The following ACOXL variants were observed in gnomAD, a reference collection of about 807,000 sequenced individuals.
ACOXL encodes acyl-coenzyme A oxidase-like protein.
ACOXL carries 70 observed loss-of-function variants against 71.9 expected under a neutral mutation model. The observed-to-expected ratio is 0.97, with a 90% CI of 0.80 to 1.19. The LOEUF is 1.19. ACOXL is among the 50% of genes most tolerant of loss of function. The pLI, the probability that ACOXL is intolerant of heterozygous loss-of-function variation, is 0.00. For missense variants in ACOXL, 703 were observed against 736.3 expected, an observed-to-expected ratio of 0.95 and a Z score of 0.52; for synonymous variants, 253 against 281.6, an observed-to-expected ratio of 0.90 and a Z score of 1.02.
intron 9 of ACOXL, among the ~76,000 whole-genome samples, chr2:110,821,124 G>A (rs576882312): frequency 1.4e-4 from 21 of 152,176 alleles, no homozygotes; most frequent in Non-Finnish European, 2.9e-4. Flanking sequence ...CTAAAGCTGG[G>A]CTCTCAAAGC....
At chr2:110,996,459 T>C (rs1459795391) in intron 14 of ACOXL, among the ~76,000 whole-genome samples, 1 of 152,212 alleles carries the variant, frequency 6.6e-6, no homozygotes, top group Non-Finnish European at 1.5e-5. Flanking sequence ...TGTGTCAGCA[T>C]TGATAGAAAT....
chr2:111,057,216 C>A (rs948546130), intron 16 of ACOXL, among the ~76,000 whole-genome samples: 1 of 152,200 alleles, frequency 6.6e-6, no homozygotes, highest in East Asian at 1.9e-4. Flanking sequence ...CTGGTGGTGT[C>A]GATGTGACAC....
chr2:110,754,479 A>G (rs112893471), intron 1 of ACOXL, among the ~76,000 whole-genome samples: 8 of 152,226 alleles, frequency 5.3e-5, no homozygotes, highest in African/African-American at 1.9e-4. Context: ...CTTCAGAATC[A>G]GAATCCCCAT....
Position 110,860,897 on chromosome 2 carries a change from A to G in ACOXL, c.788+19492A>G, listed in dbSNP as rs187901459. Reference sequence around the variant, plus strand: ...GTTATCCACTGGTTCCCCTGTTCTCACAGATCGGAGTCCTGCTGGAAGCGA... The same window carrying G: ...GTTATCCACTGGTTCCCCTGTTCTCGCAGATCGGAGTCCTGCTGGAAGCGA... On this transcript the variant is annotated intron_variant, in intron 10 of 17. Coordinates refer to ENST00000439055, the MANE Select transcript of ACOXL (RefSeq NM_001142807.4). Among the ~76,000 whole-genome samples the G allele has an allele frequency of 1.3e-4, 20 of 152,284 alleles. No individual in the cohort carries two copies. The East Asian group carries it at 3.7e-3, about 28-fold the overall frequency.
At chr2:110,828,851 G>A (rs139485545) in intron 9 of ACOXL, among the ~76,000 whole-genome samples, 15 of 151,076 alleles carry the variant, frequency 9.9e-5, no homozygotes, top group African/African-American at 3.4e-4. Context: ...TGTTCTTGTT[G>A]CCCAGGCTAG....
chr2:110,828,619 T>C (rs1471129517), intron 9 of ACOXL, among the ~76,000 whole-genome samples: 1 of 152,188 alleles, frequency 6.6e-6, no homozygotes, highest in Non-Finnish European at 1.5e-5. Context: ...TTTGCGTACG[T>C]CATCTCATCA....
At chr2:110,944,332 G>A (rs1179032280) in intron 12 of ACOXL, among the ~76,000 whole-genome samples, 4 of 151,494 alleles carry the variant, frequency 2.6e-5, no homozygotes, top group Admixed American at 6.6e-5. Flanking sequence ...GGGAGCCACC[G>A]TGCCAGGCCT....
chr2:111,100,180 C>T (rs2069049482), intron 17 of ACOXL: 1 of 152,606 alleles, frequency 6.6e-6, no homozygotes, highest in Non-Finnish European at 1.5e-5. Context: ...GTTGAGAGAA[C>T]CACAGCCCAG....
chr2:110,768,298 G>C, intron 1 of ACOXL, 70 bp from the exon 2 acceptor site: 1 of 1,300,386 alleles, frequency 7.7e-7, no homozygotes, highest in Middle Eastern at 1.8e-4. Flanking sequence ...TGAGCCCGGG[G>C]TCAAAGCATC....
At chr2:110,987,242 A>T (rs1377539744) in intron 13 of ACOXL, 25 bp downstream of exon 13, 2 of 1,549,166 alleles carry the variant, frequency 1.3e-6, no homozygotes, top group East Asian at 4.8e-5. Flanking sequence ...GGCCATCATC[A>T]TCTGCCTTCA....
intron 11 of ACOXL, among the ~76,000 whole-genome samples, chr2:110,911,338 C>T (rs1448054525): frequency 1.3e-5 from 2 of 152,078 alleles, no homozygotes; most frequent in South Asian, 2.1e-4. Flanking sequence ...TCTTCCAAAA[C>T]ATAGAAGAGG....
intron 16 of ACOXL, among the ~76,000 whole-genome samples, chr2:111,053,406 T>C (rs752009706): frequency 3.3e-5 from 5 of 152,132 alleles, no homozygotes; most frequent in Non-Finnish European, 5.9e-5. Context: ...AGGGGCACCA[T>C]TAAAAATAGA....
intron 15 of ACOXL, among the ~76,000 whole-genome samples, chr2:111,032,753 G>C (rs1212423643): frequency 1.3e-5 from 2 of 152,162 alleles, no homozygotes; most frequent in African/African-American, 4.8e-5. Flanking sequence ...ACCTAGGAGT[G>C]TGCCTGCGTC....
intron 9 of ACOXL, among the ~76,000 whole-genome samples, chr2:110,830,674 C>G (rs1307482818): frequency 1.3e-5 from 2 of 152,084 alleles, no homozygotes; most frequent in Admixed American, 6.5e-5. Context: ...GCTGGGACTA[C>G]AGGCGCCCGC....
intron 12 of ACOXL, among the ~76,000 whole-genome samples, chr2:110,986,747 A>G (rs565994882): frequency 6.6e-6 from 1 of 152,228 alleles, no homozygotes; most frequent in Non-Finnish European, 1.5e-5. Context: ...TGACCAGAGA[A>G]TGTCAGGGGT....
At chr2:110,783,228 G>A (rs1044025412) in intron 2 of ACOXL, among the ~76,000 whole-genome samples, 4 of 152,130 alleles carry the variant, frequency 2.6e-5, no homozygotes, top group African/African-American at 7.2e-5. Context: ...GTTGTTGTGA[G>A]GATCTGTGCA....
chr2:111,024,008 A>G (rs1402242078), intron 14 of ACOXL, among the ~76,000 whole-genome samples: 1 of 152,154 alleles, frequency 6.6e-6, no homozygotes, highest in African/African-American at 2.4e-5. Flanking sequence ...CAGGTCAAGG[A>G]GGGACTGTGA....
chr2:111,076,544 CTT>C (rs1355432017), intron 16 of ACOXL, among the ~76,000 whole-genome samples: 2 of 151,828 alleles, frequency 1.3e-5, no homozygotes, highest in Non-Finnish European at 2.9e-5. Flanking sequence ...AAATTTGTCT[CTT>C]GATTGGTATG....
chr2:111,078,523 C>A (rs1345154753), intron 16 of ACOXL, among the ~76,000 whole-genome samples: 1 of 152,178 alleles, frequency 6.6e-6, no homozygotes. Context: ...CTCAGCCCCC[C>A]AAAATGCTGG....
Sources: allele counts gnomAD v4.1 joint callset (sites outside exome capture counted in the v4.1 genomes callset), GRCh38; gene constraint gnomAD v4.1.1; transcripts MANE v1.5; gene names NCBI Gene and HGNC (gene_info 2026-07-23, HGNC 2026-07-21).